ADAM32: variants seen among roughly 807,000 people sequenced by gnomAD.
The protein encoded by ADAM32 is ADAM metallopeptidase domain 32.
In ADAM32, 89 loss-of-function variants were observed where a neutral mutation model predicts 114.9. That is an observed-to-expected ratio of 0.77 (90% CI 0.65 to 0.92). The LOEUF (loss-of-function observed/expected upper bound fraction) is 0.92. Among genes scored for constraint, ADAM32 ranks in the 40% least tolerant of loss-of-function variants. ADAM32 has a pLI of 0.00. For synonymous variants in ADAM32, 285 were observed against 307.5 expected, an observed-to-expected ratio of 0.93 and a Z score of 0.77; for missense variants, 870 against 932.8, an observed-to-expected ratio of 0.93 and a Z score of 0.88.
At chr8:39,198,671 C>T (rs1425330448) in intron 11 of ADAM32, among the ~76,000 whole-genome samples, 1 of 152,210 alleles carries the variant, frequency 6.6e-6, no homozygotes, top group African/African-American at 2.4e-5. Context: ...AGCCATCATG[C>T]TCAGCCTTTC....
intron 22 of ADAM32, among the ~76,000 whole-genome samples, chr8:39,278,583 G>T (rs1400356516): frequency 3.3e-5 from 5 of 151,802 alleles, no homozygotes; most frequent in African/African-American, 1.2e-4. Context: ...CCATATTATT[G>T]TCATTTGGCT....
intron 17 of ADAM32, among the ~76,000 whole-genome samples, chr8:39,246,525 C>T (rs918983349): frequency 1.3e-5 from 2 of 152,116 alleles, no homozygotes; most frequent in Admixed American, 6.6e-5. Flanking sequence ...TATTTATCTA[C>T]TTTTAAAAAT....
intron 3 of ADAM32, among the ~76,000 whole-genome samples, chr8:39,140,372 T>G (rs1170248786): frequency 6.6e-6 from 1 of 152,208 alleles, no homozygotes; most frequent in Non-Finnish European, 1.5e-5. Context: ...GAAGGGCTGT[T>G]GAATTTTGTC....
chr8:39,187,228 A>G (rs1806297923), intron 11 of ADAM32, among the ~76,000 whole-genome samples, 183 bp downstream of exon 11: 1 of 152,252 alleles, frequency 6.6e-6, no homozygotes, highest in Non-Finnish European at 1.5e-5. Flanking sequence ...CAAAGATAAC[A>G]AATCCAATCT....
chr8:39,184,159 A>G (rs1284658911), intron 10 of ADAM32, among the ~76,000 whole-genome samples: 2 of 152,238 alleles, frequency 1.3e-5, no homozygotes, highest in African/African-American at 4.8e-5. Flanking sequence ...TGCACCAGGC[A>G]AACAAACAAG....
At chr8:39,231,019 C>T (rs1002713750) in intron 14 of ADAM32, among the ~76,000 whole-genome samples, 2 of 152,046 alleles carry the variant, frequency 1.3e-5, no homozygotes, top group Admixed American at 6.6e-5. Context: ...TAATTCCCTC[C>T]CTTTGAGTTG....
chr8:39,264,013 G>T (rs1812203734), intron 19 of ADAM32, among the ~76,000 whole-genome samples: 1 of 152,094 alleles, frequency 6.6e-6, no homozygotes, highest in Non-Finnish European at 1.5e-5. Context: ...AGATGATAAA[G>T]GTATCTGTAA....
In ADAM32 at chr8:39,211,131, G is replaced by T; in HGVS notation, c.1053-13G>T. 6.6e-7 allele frequency: 1 copy of T among 1,518,852 alleles called. No individual in the cohort carries two copies. Among genetic ancestry groups the T allele is most frequent in the South Asian group, 1.3e-5 (1 of 74,150 alleles). The allele number at this position is 1,518,852 out of a possible 1,614,324, so 94.1% of individuals were successfully genotyped here. A position where few individuals can be genotyped will look rare whatever the true frequency, so the allele number is the denominator to read the frequency against. On this transcript the variant is annotated splice_polypyrimidine_tract_variant and intron_variant, in intron 11 of 24. Coordinates refer to ENST00000379907, the MANE Select transcript of ADAM32 (RefSeq NM_145004.7). Reference sequence around the variant, plus strand: ...AGTATACTGCCAATGACATTATATGGATTCATCTTTAGGCAATCCAATGGT... The same window carrying T: ...AGTATACTGCCAATGACATTATATGTATTCATCTTTAGGCAATCCAATGGT...
chr8:39,183,514 C>G (rs1415854441), intron 10 of ADAM32, among the ~76,000 whole-genome samples: 2 of 152,196 alleles, frequency 1.3e-5, no homozygotes, highest in African/African-American at 4.8e-5. Flanking sequence ...CCTCTGCCAG[C>G]TAGTATGCAG....
intron 19 of ADAM32, among the ~76,000 whole-genome samples, chr8:39,266,452 G>A (rs1249392800): frequency 1.3e-5 from 2 of 152,074 alleles, no homozygotes; most frequent in African/African-American, 4.8e-5. Context: ...GGTCTATTCT[G>A]TTATAATGCT....
chr8:39,204,826 A>G (rs1401307833), intron 11 of ADAM32, among the ~76,000 whole-genome samples: 1 of 152,078 alleles, frequency 6.6e-6, no homozygotes, highest in Non-Finnish European at 1.5e-5. Flanking sequence ...TGCTTTCTGT[A>G]TGTTAGTTTT....
At chr8:39,202,733 G>A (rs1187876018) in intron 11 of ADAM32, among the ~76,000 whole-genome samples, 4 of 151,806 alleles carry the variant, frequency 2.6e-5, no homozygotes, top group East Asian at 1.9e-4. Context: ...TAGGGTGTCA[G>A]TTTTAGATCT....
chr8:39,129,413 C>T (rs769958047), intron 2 of ADAM32, among the ~76,000 whole-genome samples: 2 of 151,870 alleles, frequency 1.3e-5, no homozygotes, highest in African/African-American at 2.4e-5. Flanking sequence ...TTATTGTAAA[C>T]GTTTATTGGG....
At chr8:39,249,525 A>G (rs1172241263) in intron 17 of ADAM32, among the ~76,000 whole-genome samples, 2 of 152,180 alleles carry the variant, frequency 1.3e-5, no homozygotes, top group Non-Finnish European at 2.9e-5. Context: ...GTGAGGAAGT[A>G]TCCCCTCTGC....
chr8:39,161,392 G>A (rs1385610372), intron 7 of ADAM32, among the ~76,000 whole-genome samples: 1 of 152,164 alleles, frequency 6.6e-6, no homozygotes, highest in Non-Finnish European at 1.5e-5. Context: ...TTTCACTAAT[G>A]TGTCAAGAAG....
Position 39,243,155 on chromosome 8 carries a change from GAA to G in ADAM32, c.1819-2922_1819-2921del, listed in dbSNP as rs577979976. Reference sequence around the variant, plus strand: ...AATGGTAATAAAAACCATTACCAATGAAAAAAAGTCCAGAATTGGATGGATTC... The same window carrying G: ...AATGGTAATAAAAACCATTACCAATGAAAAAGTCCAGAATTGGATGGATTC... On this transcript the variant is annotated intron_variant, in intron 16 of 24. Transcript: ENST00000379907. Among the ~76,000 whole-genome samples, 11 of 151,996 alleles carry G rather than the reference GAA, an allele frequency of 7.2e-5. No individual in the cohort carries two copies. The East Asian group carries it at 2.1e-3, about 29-fold the overall frequency.
chr8:39,178,073 G>T (rs1266703618), intron 10 of ADAM32, among the ~76,000 whole-genome samples: 4 of 152,090 alleles, frequency 2.6e-5, no homozygotes, highest in African/African-American at 9.7e-5. Flanking sequence ...GTCTTGCTAG[G>T]TTGAGGAAGT....
intron 12 of ADAM32, among the ~76,000 whole-genome samples, chr8:39,219,426 G>A (rs1808801474): frequency 6.6e-6 from 1 of 152,172 alleles, no homozygotes; most frequent in Non-Finnish European, 1.5e-5. Context: ...TGGAACTCAA[G>A]CTCTGACTGA....
intron 6 of ADAM32, among the ~76,000 whole-genome samples, chr8:39,153,364 T>A (rs1382828055): frequency 1.3e-5 from 2 of 152,338 alleles, no homozygotes; most frequent in African/African-American, 4.8e-5. Flanking sequence ...ACCCCTCATA[T>A]TCCTTTCTAG....
Sources: gnomAD v4.1 joint callset for allele counts (sites outside exome capture counted in the v4.1 genomes callset) on GRCh38, gnomAD v4.1.1 for gene constraint, MANE v1.5 for transcripts, NCBI Gene and HGNC (gene_info 2026-07-23, HGNC 2026-07-21) for gene names.